Variants in C6orf118 observed in about 807,000 individuals in gnomAD.
C6orf118 encodes the protein chromosome 6 open reading frame 118.
C6orf118 carries 50 observed loss-of-function variants against 50.2 expected under a neutral mutation model. The ratio of observed to expected loss-of-function variants is 1.00; its 90% CI spans 0.79 to 1.26. C6orf118 has a LOEUF of 1.26. Among genes scored for constraint, C6orf118 ranks in the 50% most tolerant of loss-of-function variants. The pLI, the probability that C6orf118 is intolerant of heterozygous loss-of-function variation, is 0.00. For missense variants in C6orf118, 641 were observed against 578.7 expected (o/e 1.11, Z -1.10); for synonymous variants, 239 against 230.9 (o/e 1.03, Z -0.32).
chr6:165,298,051 C>T lies in C6orf118; in HGVS notation c.987G>A (p.Ala329=), dbSNP rs141053162. Residue 329 remains alanine (A), a synonymous_variant, in exon 5 of 9, where the codon GCG becomes GCA. Transcript: ENST00000230301. ...KALGQRPVKT[A]DMDLAREELR... is the part of the protein sequence containing the mutation. ...GCTCTTCCCTGGCGAGATCCATGTC[C>T]GCCGTCTTCACCGGCCTCTGCCCCA... 3.7e-5 allele frequency: 59 copies of T among 1,613,136 alleles called. No homozygotes were observed. Among genetic ancestry groups the T allele is most frequent in the Middle Eastern group, 1.6e-4 (1 of 6,078 alleles).
chr6:165,286,032 C>T (rs1280325761), intron 7 of C6orf118, among the ~76,000 whole-genome samples: 1 of 150,674 alleles, frequency 6.6e-6, no homozygotes, highest in Non-Finnish European at 1.5e-5. Flanking sequence ...AGACCACTAG[C>T]TAGATTAATA....
In C6orf118 at chr6:165,302,099, T is replaced by C; in HGVS notation, c.223A>G (p.Thr75Ala). 1 of 1,613,718 alleles carries C rather than the reference T, an allele frequency of 6.2e-7. No homozygotes were observed. The highest frequency in any genetic ancestry group is 1.1e-5 in the South Asian group (1 of 91,054). Residue 75 changes from threonine to alanine, a missense_variant, in exon 2 of 9, where the codon ACG (threonine) becomes GCG (alanine). Physicochemically the swap from Thr to Ala is moderately conservative, Grantham distance 58. Coordinates refer to ENST00000230301, the MANE Select transcript of C6orf118 (RefSeq NM_144980.4). Reference sequence around the variant, plus strand: ...GCATTGGGCCAGTGCTGTAAGATCGTCTCCGGAGGCTGGTAGAGCTTGTTG... The same window carrying C: ...GCATTGGGCCAGTGCTGTAAGATCGCCTCCGGAGGCTGGTAGAGCTTGTTG... Reference protein sequence around the residue: ...NPNKLYQPPETILQHWPNAHR... With the variant: ...NPNKLYQPPEAILQHWPNAHR...
chr6:165,296,507 G>T (rs1780316935), intron 5 of C6orf118, among the ~76,000 whole-genome samples: 1 of 152,110 alleles, frequency 6.6e-6, no homozygotes, highest in African/African-American at 2.4e-5. Context: ...GGGGCCATGA[G>T]AATATGCTGC....
chr6:165,295,873 C>A (rs973995394), intron 5 of C6orf118, among the ~76,000 whole-genome samples: 1 of 152,064 alleles, frequency 6.6e-6, no homozygotes. Flanking sequence ...ATTACCATTT[C>A]AAAGTTGTCT....
At chr6:165,308,234 G>A (rs1780817573) in intron 1 of C6orf118, among the ~76,000 whole-genome samples, 1 of 152,162 alleles carries the variant, frequency 6.6e-6, no homozygotes, top group African/African-American at 2.4e-5. Context: ...TTCAGGTGAT[G>A]GGCCTTAAAA....
In C6orf118 at chr6:165,300,355, G is replaced by A. The variant is rs1453919006; in HGVS notation, c.876+9C>T. 2 of 1,613,692 alleles carry A rather than the reference G, an allele frequency of 1.2e-6. No homozygotes were observed. Among genetic ancestry groups the A allele is most frequent in the Non-Finnish European group, 1.7e-6 (2 of 1,179,844 alleles). ...CTCAACTGTTATGCTGAAGATGTAT[G>A]TTTCTTACCTTAACTTTTTTCAAGA... is the stretch of plus-strand genomic sequence containing the variant. On this transcript the variant is annotated intron_variant, in intron 3 of 8. Coordinates refer to ENST00000230301, the MANE Select transcript of C6orf118 (RefSeq NM_144980.4).
chr6:165,300,506 A>G lies in C6orf118; in HGVS notation c.754-20T>C. On this transcript the variant is annotated intron_variant, in intron 2 of 8. Coordinates refer to ENST00000230301, the MANE Select transcript of C6orf118 (RefSeq NM_144980.4). Reference sequence around the variant, plus strand: ...GAGCTCCTGGAGGAAAAACAGAGTCAGCCCATTTCAGGGTGGCTTCATCTT... The same window carrying G: ...GAGCTCCTGGAGGAAAAACAGAGTCGGCCCATTTCAGGGTGGCTTCATCTT... 1 of 1,602,318 alleles carries G rather than the reference A, an allele frequency of 6.2e-7. No individual in the cohort carries two copies. The highest frequency in any genetic ancestry group is 8.5e-7 in the Non-Finnish European group (1 of 1,175,460).
intron 5 of C6orf118, among the ~76,000 whole-genome samples, chr6:165,295,974 G>A (rs1183220989): frequency 2.5e-5 from 3 of 118,118 alleles, no homozygotes; most frequent in South Asian, 3.0e-4. Flanking sequence ...CATCAGCCCA[G>A]CAGGACAGTT....
At chr6:165,289,507 G>A (rs1780032056) in intron 7 of C6orf118, among the ~76,000 whole-genome samples, 1 of 151,952 alleles carries the variant, frequency 6.6e-6, no homozygotes, top group East Asian at 1.9e-4. Context: ...TGTAATGGTG[G>A]GCTTTAGTGT....
chr6:165,280,171 A>G, intron 8 of C6orf118, 61 bp from the exon 9 acceptor site: 2 of 1,202,928 alleles, frequency 1.7e-6, no homozygotes. Flanking sequence ...GCATGAAATA[A>G]AATTTCAAAA....
chr6:165,308,866 TAAA>T (rs1780840838), intron 1 of C6orf118, among the ~76,000 whole-genome samples: 1 of 152,216 alleles, frequency 6.6e-6, no homozygotes, highest in Non-Finnish European at 1.5e-5. Context: ...TATCACACAA[TAAA>T]ATTTCTTTTA....
chr6:165,303,202 C>T lies in C6orf118; in HGVS notation c.26-906G>A, dbSNP rs182593777. 2.7e-3 allele frequency among the ~76,000 whole-genome samples: 410 copies of T among 152,286 alleles called. 2 individuals are homozygous for T. Among genetic ancestry groups the T allele is most frequent in the African/African-American group, 9.3e-3 (387 of 41,548 alleles). Reference sequence around the variant, plus strand: ...CTGAGTCAACCAAGGCGGCTGAATACTGGAGCCAATATTTTCAGCAGAGGG... The same window carrying T: ...CTGAGTCAACCAAGGCGGCTGAATATTGGAGCCAATATTTTCAGCAGAGGG... On this transcript the variant is annotated intron_variant, in intron 1 of 8. Coordinates refer to ENST00000230301, the MANE Select transcript of C6orf118 (RefSeq NM_144980.4).
intron 3 of C6orf118, among the ~76,000 whole-genome samples, 180 bp downstream of exon 3, chr6:165,300,184 G>A (rs1016973490): frequency 1.3e-5 from 2 of 152,064 alleles, no homozygotes; most frequent in Non-Finnish European, 2.9e-5. Flanking sequence ...ATTCCACATG[G>A]CCCCTTACAA....
chr6:165,306,964 A>G (rs1208412942), intron 1 of C6orf118, among the ~76,000 whole-genome samples: 1 of 151,824 alleles, frequency 6.6e-6, no homozygotes, highest in African/African-American at 2.4e-5. Flanking sequence ...CTGAGAGAGA[A>G]AACAAACAAA....
chr6:165,298,508 A>C (rs1780396945), intron 4 of C6orf118, among the ~76,000 whole-genome samples: 1 of 152,152 alleles, frequency 6.6e-6, no homozygotes, highest in African/African-American at 2.4e-5. Flanking sequence ...GCTGTGCTCA[A>C]ATGGGGAGCA....
chr6:165,285,944 TAG>T (rs1199578066), intron 7 of C6orf118, among the ~76,000 whole-genome samples: 1 of 147,546 alleles, frequency 6.8e-6, no homozygotes, highest in Non-Finnish European at 1.5e-5. Flanking sequence ...CTGAAGGAAA[TAG>T]AGACACAAAA....
chr6:165,305,188 T>C (rs1487818881), intron 1 of C6orf118, among the ~76,000 whole-genome samples: 2 of 60,488 alleles, frequency 3.3e-5, no homozygotes, highest in Non-Finnish European at 5.4e-5. Flanking sequence ...AACTATCTGA[T>C]CTTTGACAAA....
intron 6 of C6orf118, among the ~76,000 whole-genome samples, chr6:165,290,515 G>C (rs1328868017): frequency 6.6e-6 from 1 of 152,152 alleles, no homozygotes; most frequent in Admixed American, 6.5e-5. Context: ...ATAAAGAGAA[G>C]TTAGACAAGC....
intron 6 of C6orf118, among the ~76,000 whole-genome samples, chr6:165,292,634 C>T (rs1398749986): frequency 1.3e-5 from 2 of 152,024 alleles, no homozygotes; most frequent in South Asian, 2.1e-4. Context: ...CTACAAAGAA[C>T]GAACAACGTG....
Sources: allele counts gnomAD v4.1 joint callset (sites outside exome capture counted in the v4.1 genomes callset), GRCh38; gene constraint gnomAD v4.1.1; transcripts MANE v1.5; gene names NCBI Gene and HGNC (gene_info 2026-07-23, HGNC 2026-07-21).